RP1: variants seen among roughly 807,000 people sequenced by gnomAD.
RP1 encodes the protein oxygen-regulated protein 1.
RP1 carries 16 observed loss-of-function variants against 14.8 expected under a neutral mutation model. That is an observed-to-expected ratio of 1.08 (90% CI 0.73 to 1.65). The LOEUF (loss-of-function observed/expected upper bound fraction) is 1.65, where lower values mean the gene tolerates loss of function less well. Among genes scored for constraint, RP1 ranks in the 40% most tolerant of loss-of-function variants. The pLI, the probability that RP1 is intolerant of heterozygous loss-of-function variation, is 0.00. For synonymous variants in RP1, 876 were observed against 883.6 expected (o/e 0.99, Z 0.15); for missense variants, 2,631 against 2,535.0 (o/e 1.04, Z -0.81).
rs761301424 is a variant in RP1 at position 54,630,033 on chromosome 8, A to C, written c.6151A>C (p.Thr2051Pro). 59 of 1,613,866 alleles carry C rather than the reference A, an allele frequency of 3.7e-5. No homozygotes were observed. Among genetic ancestry groups the C allele is most frequent in the Non-Finnish European group, 5.0e-5 (59 of 1,179,894 alleles). Residue 2051 changes from threonine to proline, a missense_variant, in exon 4 of 4, where the codon ACA (threonine) becomes CCA (proline). Physicochemically the swap from Thr to Pro is conservative, Grantham distance 38. Coordinates refer to ENST00000220676, the MANE Select transcript of RP1 (RefSeq NM_006269.2). ...AGTTGTGGGTAATGTGGATTCAAAT[A>C]CACAAGACCTCAGCGGTCAGACAAA... is the stretch of plus-strand genomic sequence containing the variant. ...LLVVGNVDSN[T>P]QDLSGQTNEI...
At chr8:54,761,161 T>C (rs1809628803) in intron 22 of RP1, among the ~76,000 whole-genome samples, 1 of 152,170 alleles carries the variant, frequency 6.6e-6, no homozygotes, top group East Asian at 1.9e-4. Flanking sequence ...GTAATTTAGA[T>C]GCAGTCACTG....
intron 1 of RP1, among the ~76,000 whole-genome samples, chr8:54,607,487 G>T (rs1199339683): frequency 6.6e-6 from 1 of 152,150 alleles, no homozygotes; most frequent in African/African-American, 2.4e-5. Flanking sequence ...GCTACTCGGG[G>T]GTCAGGGACC....
intron 1 of RP1, among the ~76,000 whole-genome samples, chr8:54,591,709 G>A (rs187535498): frequency 2.0e-4 from 31 of 152,228 alleles, no homozygotes; most frequent in Admixed American, 7.8e-4. Flanking sequence ...GGGCCAATTG[G>A]ACTGAGCTCA....
chr8:54,853,864 AAG>A (rs1406750538), intron 26 of RP1, among the ~76,000 whole-genome samples: 1 of 150,872 alleles, frequency 6.6e-6, no homozygotes, highest in African/African-American at 2.4e-5. Context: ...AAGAGAAAGA[AAG>A]AAAAGAAAAA....
chr8:54,574,720 A>G (rs933873357), intron 1 of RP1, among the ~76,000 whole-genome samples: 3 of 151,906 alleles, frequency 2.0e-5, no homozygotes, highest in East Asian at 3.9e-4. Context: ...TTGGATTAAA[A>G]AAAACCACTC....
exon 29 of RP1, chr8:54,870,670 T>G (rs919086866): frequency 6.6e-6 from 1 of 152,190 alleles, no homozygotes; most frequent in Non-Finnish European, 1.5e-5. Flanking sequence ...GGTGCCTTCT[T>G]CTAATCCGTT....
chr8:54,684,222 A>T (rs989761140), intron 12 of RP1, among the ~76,000 whole-genome samples: 3 of 151,918 alleles, frequency 2.0e-5, no homozygotes, highest in Admixed American at 6.6e-5. Context: ...CCAGGATTTT[A>T]TTGACGATTT....
At chr8:54,800,535 T>C (rs1643164963) in intron 24 of RP1, among the ~76,000 whole-genome samples, 1 of 152,188 alleles carries the variant, frequency 6.6e-6, no homozygotes, top group South Asian at 2.1e-4. Flanking sequence ...TGTTCTCGGA[T>C]GCTCTGTTCT....
chr8:54,698,291 C>T (rs568207866), intron 12 of RP1, among the ~76,000 whole-genome samples: 2 of 152,302 alleles, frequency 1.3e-5, no homozygotes, highest in African/African-American at 4.8e-5. Context: ...AAAAAATGCT[C>T]ATCATCACTG....
At chr8:54,854,145 A>G (rs1356345191) in intron 26 of RP1, among the ~76,000 whole-genome samples, 1 of 152,214 alleles carries the variant, frequency 6.6e-6, no homozygotes, top group Non-Finnish European at 1.5e-5. Flanking sequence ...TTTTAAACAG[A>G]AATTGGCAAT....
chr8:54,837,693 G>C, intron 25 of RP1: 1 of 1,169,032 alleles, frequency 8.6e-7, no homozygotes, highest in Non-Finnish European at 1.1e-6. Flanking sequence ...TTTCCTTTGT[G>C]ATGTGTATTG....
chr8:54,602,210 C>T (rs920577670), intron 1 of RP1, among the ~76,000 whole-genome samples: 5 of 152,168 alleles, frequency 3.3e-5, no homozygotes, highest in African/African-American at 4.8e-5. Flanking sequence ...CAACAGGCCC[C>T]AGTGTGTGAT....
At chr8:54,821,876 GA>G (rs1458900461) in intron 24 of RP1, among the ~76,000 whole-genome samples, 2 of 151,890 alleles carry the variant, frequency 1.3e-5, no homozygotes, top group African/African-American at 4.8e-5. Context: ...GTTCAAGCAG[GA>G]AAAAAAATGG....
intron 1 of RP1, among the ~76,000 whole-genome samples, chr8:54,572,704 T>G (rs1397832875): frequency 6.6e-6 from 1 of 152,236 alleles, no homozygotes; most frequent in Non-Finnish European, 1.5e-5. Flanking sequence ...GATCTCTGTC[T>G]TGATCCACTT....
chr8:54,737,264 A>G (rs565264911), intron 18 of RP1, among the ~76,000 whole-genome samples: 18 of 152,276 alleles, frequency 1.2e-4, no homozygotes, highest in Admixed American at 3.3e-4. Context: ...TGGAAGGGAC[A>G]AGCATGTCAA....
chr8:54,708,625 C>G (rs1247081827), intron 15 of RP1, among the ~76,000 whole-genome samples: 5 of 152,116 alleles, frequency 3.3e-5, no homozygotes, highest in Admixed American at 6.5e-5. Flanking sequence ...TCCCAAAGTG[C>G]TGGGATTACA....
intron 15 of RP1, among the ~76,000 whole-genome samples, chr8:54,707,865 G>C (rs1808188086): frequency 6.6e-6 from 1 of 152,216 alleles, no homozygotes; most frequent in African/African-American, 2.4e-5. Flanking sequence ...TAATGAAGTA[G>C]ATTTTATCAC....
intron 1 of RP1, among the ~76,000 whole-genome samples, chr8:54,604,380 G>T (rs1805373987): frequency 6.6e-6 from 1 of 152,164 alleles, no homozygotes; most frequent in Non-Finnish European, 1.5e-5. Context: ...GCATCCCAGG[G>T]ATGAAGCCCA....
At chr8:54,702,111 A>C (rs572767132) in intron 14 of RP1, among the ~76,000 whole-genome samples, 27 of 152,246 alleles carry the variant, frequency 1.8e-4, no homozygotes, top group African/African-American at 6.3e-4. Context: ...ATTATTTATG[A>C]GGTTTCCCAT....
Sources: allele counts gnomAD v4.1 joint callset (sites outside exome capture counted in the v4.1 genomes callset), GRCh38; gene constraint gnomAD v4.1.1; transcripts MANE v1.5; gene names NCBI Gene and HGNC (gene_info 2026-07-23, HGNC 2026-07-21).